The following PDE8A variants were observed in gnomAD, a reference collection of about 807,000 sequenced individuals.
PDE8A encodes the protein high affinity cAMP-specific and IBMX-insensitive 3',5'-cyclic phosphodiesterase 8A.
A neutral mutation model predicts 105.0 loss-of-function variants in PDE8A; 59 were observed. That is an observed-to-expected ratio of 0.56 (90% CI 0.46 to 0.70). The LOEUF is 0.70. Ranked by LOEUF, PDE8A falls within the 30% of genes least tolerant of loss-of-function variation. The pLI is 0.00. For missense variants in PDE8A, 1,014 were observed against 1,045.9 expected (o/e 0.97, Z 0.42); for synonymous variants, 355 against 371.9 (o/e 0.95, Z 0.52).
At chr15:85,120,685 A>C in intron 17 of PDE8A, 112 bp from the exon 18 acceptor site, 1 of 687,156 alleles carries the variant, frequency 1.5e-6, no homozygotes, top group South Asian at 2.0e-5. Flanking sequence ...TGCTTTTCTT[A>C]GAAATCTGAA....
At chr15:85,022,118 C>T (rs542439212) in intron 1 of PDE8A, among the ~76,000 whole-genome samples, 23 of 152,286 alleles carry the variant, frequency 1.5e-4, no homozygotes, top group Admixed American at 9.8e-4. Context: ...GCTAATACCA[C>T]GGATAGTTGC....
At chr15:85,121,600 G>A (rs58943832) in intron 18 of PDE8A, among the ~76,000 whole-genome samples, 33,081 of 151,920 alleles carry the variant, frequency 0.22, 3,816 homozygotes, top group East Asian at 0.38. Flanking sequence ...GTGCCACAGT[G>A]CTTGGTACAT....
At chr15:85,045,337 C>A (rs2080870455) in intron 1 of PDE8A, among the ~76,000 whole-genome samples, 1 of 152,142 alleles carries the variant, frequency 6.6e-6, no homozygotes, top group African/African-American at 2.4e-5. Flanking sequence ...GTTTCTTGAT[C>A]TTTTTCCAGC....
chr15:85,123,784 T>C (rs2082219086), intron 19 of PDE8A, among the ~76,000 whole-genome samples: 1 of 152,218 alleles, frequency 6.6e-6, no homozygotes, highest in Non-Finnish European at 1.5e-5. Flanking sequence ...TCACTGAATT[T>C]AGTTTTTATT....
At chr15:84,987,182 T>C (rs1286974816) in intron 1 of PDE8A, among the ~76,000 whole-genome samples, 1 of 152,260 alleles carries the variant, frequency 6.6e-6, no homozygotes, top group Non-Finnish European at 1.5e-5. Context: ...GATATTTCTT[T>C]ATTCATTTTC....
chr15:85,023,081 G>C (rs1360249870), intron 1 of PDE8A, among the ~76,000 whole-genome samples: 1 of 152,150 alleles, frequency 6.6e-6, no homozygotes, highest in Non-Finnish European at 1.5e-5. Flanking sequence ...GAAGGGAAGG[G>C]AACAGTACTG....
chr15:85,036,633 C>CTG (rs1193189453), intron 1 of PDE8A, among the ~76,000 whole-genome samples: 1 of 152,068 alleles, frequency 6.6e-6, no homozygotes, highest in East Asian at 1.9e-4. Flanking sequence ...GCTCATCAGG[C>CTG]TGAGAGGACT....
chr15:85,011,026 T>C (rs2080230649), intron 1 of PDE8A, among the ~76,000 whole-genome samples: 1 of 152,220 alleles, frequency 6.6e-6, no homozygotes, highest in Non-Finnish European at 1.5e-5. Context: ...TATTTCCTTT[T>C]TCTCTCCTTT....
chr15:85,067,028 T>C lies in PDE8A; in HGVS notation c.258T>C (p.Phe86=). 6.2e-7 allele frequency: 1 copy of C among 1,602,940 alleles called. No homozygotes were observed. ...HQDQLQVLLV[F]TKEDNQCNGF... is the part of the protein sequence containing the mutation. ...TTTTGATTCAGGTACTTTTAGTGTT[T>C]ACCAAAGAAGATAACCAATGTAATG... The change falls in exon 3 of 22, where the codon TTT becomes TTC. Residue 86 remains phenylalanine, a synonymous_variant. Transcript: ENST00000394553.
At chr15:85,097,912 A>G (rs2081785424) in intron 8 of PDE8A, 36 bp from the exon 9 acceptor site, 1 of 1,169,276 alleles carries the variant, frequency 8.6e-7, no homozygotes, top group Non-Finnish European at 1.3e-6. Flanking sequence ...TATGTTTTCA[A>G]CACAAAGTAT....
chr15:85,084,518 T>C (rs2081518550), intron 6 of PDE8A, among the ~76,000 whole-genome samples: 1 of 152,164 alleles, frequency 6.6e-6, no homozygotes, highest in African/African-American at 2.4e-5. Flanking sequence ...TGGGCCTGCT[T>C]TTTTCCCACT....
intron 18 of PDE8A, 113 bp downstream of exon 18, chr15:85,121,127 A>G (rs2141622485): frequency 1.4e-6 from 1 of 691,778 alleles, no homozygotes; most frequent in Non-Finnish European, 2.4e-6. Flanking sequence ...CACAAAGTAT[A>G]CAGTGGGCCG....
chr15:85,015,021 A>G (rs374083420), intron 1 of PDE8A, among the ~76,000 whole-genome samples: 6 of 152,254 alleles, frequency 3.9e-5, no homozygotes, highest in South Asian at 4.2e-4. Flanking sequence ...AAGTAAAATC[A>G]TATAATTTCT....
At chr15:84,985,541 G>A (rs866991833) in intron 1 of PDE8A, among the ~76,000 whole-genome samples, 75 of 152,156 alleles carry the variant, frequency 4.9e-4, no homozygotes, top group African/African-American at 1.8e-3. Context: ...AGATTTGCAT[G>A]TAGTGTTAGA....
At position 85,095,875 on chromosome 15, in the gene PDE8A, T is replaced by TATATA. The variant is rs200233444; in HGVS notation, c.853-2073_853-2072insATATA. On this transcript the variant is annotated intron_variant, in intron 8 of 21. Transcript: ENST00000394553. The stretch of plus-strand genomic sequence containing the variant: ...AAGATCCTGAATATATATATATATA[T>TATATA]TTTTTTTATATATATATTTTTTGTT... Among the ~76,000 whole-genome samples the TATATA allele has an allele frequency of 2.8e-3, 411 of 145,700 alleles. 8 individuals are homozygous for TATATA. The highest frequency in any genetic ancestry group is 0.011 in the Middle Eastern group (3 of 276).
At chr15:85,098,984 G>A (rs1295518124) in intron 9 of PDE8A, among the ~76,000 whole-genome samples, 1 of 151,938 alleles carries the variant, frequency 6.6e-6, no homozygotes. Context: ...TAAAATATGA[G>A]AAAGGTTATG....
At chr15:85,008,562 A>G (rs913344476) in intron 1 of PDE8A, among the ~76,000 whole-genome samples, 2 of 151,984 alleles carry the variant, frequency 1.3e-5, no homozygotes, top group African/African-American at 4.8e-5. Context: ...CCCATTTTAA[A>G]TTCTGCTACC....
At chr15:85,020,215 C>G (rs574873830) in intron 1 of PDE8A, among the ~76,000 whole-genome samples, 1 of 152,122 alleles carries the variant, frequency 6.6e-6, no homozygotes, top group East Asian at 1.9e-4. Flanking sequence ...TGTGATCTGT[C>G]TGCCAAAGAA....
intron 1 of PDE8A, among the ~76,000 whole-genome samples, chr15:85,029,355 C>T (rs1433787632): frequency 2.7e-5 from 4 of 150,284 alleles, no homozygotes; most frequent in Admixed American, 6.6e-5. Flanking sequence ...TTTTCAATGC[C>T]TTTCCCTTCT....
Sources: allele counts gnomAD v4.1 joint callset (sites outside exome capture counted in the v4.1 genomes callset), GRCh38; gene constraint gnomAD v4.1.1; transcripts MANE v1.5; gene names NCBI Gene and HGNC (gene_info 2026-07-23, HGNC 2026-07-21).